ADAMTSL1: variants seen among roughly 807,000 people sequenced by gnomAD.
ADAMTSL1 encodes the protein ADAMTS like 1.
ADAMTSL1 carries 126 observed loss-of-function variants against 201.8 expected under a neutral mutation model. The observed-to-expected ratio is 0.62, with a 90% CI of 0.54 to 0.72. The LOEUF (loss-of-function observed/expected upper bound fraction) is 0.72, where lower values mean the gene tolerates loss of function less well. Ranked by LOEUF, ADAMTSL1 falls within the 30% of genes least tolerant of loss-of-function variation. ADAMTSL1 has a pLI of 0.00. For missense variants in ADAMTSL1, 2,679 were observed against 2,277.8 expected (o/e 1.18, Z -3.59); for synonymous variants, 1,121 against 903.4 (o/e 1.24, Z -4.32).
At chr9:18,577,086 G>C (rs1042385507) in intron 4 of ADAMTSL1, among the ~76,000 whole-genome samples, 3 of 152,130 alleles carry the variant, frequency 2.0e-5, no homozygotes, top group African/African-American at 7.2e-5. Flanking sequence ...CTGTCTTCCA[G>C]AAATTCAGAT....
At chr9:18,390,816 A>C (rs907446403) in intron 2 of ADAMTSL1, among the ~76,000 whole-genome samples, 1 of 152,188 alleles carries the variant, frequency 6.6e-6, no homozygotes, top group African/African-American at 2.4e-5. Context: ...ACAAAAAAAA[A>C]CACCACCTCA....
intron 2 of ADAMTSL1, among the ~76,000 whole-genome samples, chr9:18,327,319 C>G (rs1409826128): frequency 6.6e-6 from 1 of 152,216 alleles, no homozygotes; most frequent in Non-Finnish European, 1.5e-5. Context: ...CCTAAATGAT[C>G]TATTCCAAAG....
At chr9:18,417,905 GA>G (rs368283656) in intron 2 of ADAMTSL1, among the ~76,000 whole-genome samples, 13 of 152,126 alleles carry the variant, frequency 8.5e-5, no homozygotes, top group African/African-American at 2.6e-4. Context: ...ACAAAAACCA[GA>G]CAAAGATAAT....
At chr9:18,233,586 AGCCTGTAAAATT>A (rs1208151151) in intron 2 of ADAMTSL1, among the ~76,000 whole-genome samples, 1 of 152,108 alleles carries the variant, frequency 6.6e-6, no homozygotes, top group Non-Finnish European at 1.5e-5. Flanking sequence ...CCCACCTAGG[AGCCTGTAAAATT>A]GCGAGGTGAG....
intron 1 of ADAMTSL1, among the ~76,000 whole-genome samples, chr9:17,916,144 C>A (rs187922666): frequency 2.9e-4 from 44 of 152,192 alleles, no homozygotes; most frequent in Admixed American, 5.2e-4. Flanking sequence ...TGGTCTCGAA[C>A]CCCAGGCCTC....
At chr9:18,209,041 T>C (rs1374032697) in intron 2 of ADAMTSL1, among the ~76,000 whole-genome samples, 1 of 152,208 alleles carries the variant, frequency 6.6e-6, no homozygotes, top group East Asian at 1.9e-4. Context: ...AAGGAAAATA[T>C]TATTTACCAT....
intron 23 of ADAMTSL1, among the ~76,000 whole-genome samples, chr9:18,886,043 T>C (rs12237561): frequency 0.051 from 7,719 of 151,288 alleles, 223 homozygotes; most frequent in East Asian, 0.15. Flanking sequence ...TCCTTGCACT[T>C]TGAGAGGCTG....
chr9:18,258,898 T>C (rs1029234772), intron 2 of ADAMTSL1, among the ~76,000 whole-genome samples: 2 of 152,220 alleles, frequency 1.3e-5, no homozygotes, highest in Admixed American at 6.5e-5. Context: ...AAATTGCTTC[T>C]GCGTAGGTCA....
intron 2 of ADAMTSL1, among the ~76,000 whole-genome samples, chr9:18,214,265 A>G (rs1829986128): frequency 2.0e-5 from 3 of 152,352 alleles, no homozygotes; most frequent in Admixed American, 6.5e-5. Context: ...GCATAGTTAT[A>G]GTACATGTTA....
chr9:18,728,027 C>CCAAGAT (rs1817995281), intron 15 of ADAMTSL1, among the ~76,000 whole-genome samples: 3 of 151,792 alleles, frequency 2.0e-5, no homozygotes, highest in Admixed American at 2.0e-4. Flanking sequence ...TTACGGTGAG[C>CCAAGAT]CAAGATCATG....
intron 2 of ADAMTSL1, among the ~76,000 whole-genome samples, chr9:18,424,942 C>T (rs1430686319): frequency 6.6e-6 from 1 of 152,076 alleles, no homozygotes; most frequent in Non-Finnish European, 1.5e-5. Context: ...ATCCACATAT[C>T]CACCCAGAAA....
At chr9:17,930,649 A>G (rs965211959) in intron 1 of ADAMTSL1, among the ~76,000 whole-genome samples, 1 of 152,172 alleles carries the variant, frequency 6.6e-6, no homozygotes, top group African/African-American at 2.4e-5. Context: ...TAGAAACCCT[A>G]AAGAATTCCA....
intron 1 of ADAMTSL1, among the ~76,000 whole-genome samples, chr9:17,909,461 C>T (rs953226986): frequency 4.0e-5 from 5 of 126,122 alleles, no homozygotes; most frequent in East Asian, 3.0e-4. Flanking sequence ...TTAGGTCTAA[C>T]GTTTAAGTCT....
chr9:18,057,378 A>G (rs1362004965), intron 1 of ADAMTSL1, among the ~76,000 whole-genome samples: 1 of 152,198 alleles, frequency 6.6e-6, no homozygotes, highest in Non-Finnish European at 1.5e-5. Flanking sequence ...TATAAACATC[A>G]TCAGAAATAA....
intron 17 of ADAMTSL1, among the ~76,000 whole-genome samples, chr9:18,775,085 G>C (rs577795689): frequency 6.6e-6 from 1 of 152,090 alleles, no homozygotes; most frequent in Admixed American, 6.5e-5. Flanking sequence ...CATTCTAGTG[G>C]ATATGAAGTT....
At chr9:18,708,769 A>C (rs1453351050) in intron 14 of ADAMTSL1, among the ~76,000 whole-genome samples, 2 of 152,254 alleles carry the variant, frequency 1.3e-5, no homozygotes, top group South Asian at 2.1e-4. Flanking sequence ...TATAGTTCTC[A>C]GTTACAAGTC....
intron 2 of ADAMTSL1, among the ~76,000 whole-genome samples, chr9:18,228,257 A>T (rs1311503787): frequency 6.6e-6 from 1 of 152,172 alleles, no homozygotes; most frequent in Non-Finnish European, 1.5e-5. Flanking sequence ...CGTGGTTTGG[A>T]TAACAAGCTA....
intron 2 of ADAMTSL1, among the ~76,000 whole-genome samples, chr9:18,387,324 G>A (rs1326485994): frequency 6.6e-6 from 1 of 151,882 alleles, no homozygotes; most frequent in East Asian, 1.9e-4. Context: ...CAGACATATA[G>A]TAATGATACC....
chr9:18,131,708 TGCTG>T (rs758812077), intron 1 of ADAMTSL1, among the ~76,000 whole-genome samples: 3 of 152,172 alleles, frequency 2.0e-5, no homozygotes, highest in Admixed American at 6.5e-5. Context: ...TGTAGTCTTT[TGCTG>T]GGACTGTGTA....
Sources: gnomAD v4.1 joint callset for allele counts (sites outside exome capture counted in the v4.1 genomes callset) on GRCh38, gnomAD v4.1.1 for gene constraint, MANE v1.5 for transcripts, NCBI Gene and HGNC (gene_info 2026-07-23, HGNC 2026-07-21) for gene names.